PHACTR2: variants seen among roughly 807,000 people sequenced by gnomAD.
PHACTR2 encodes the protein phosphatase and actin regulator 2.
A neutral mutation model predicts 76.0 loss-of-function variants in PHACTR2; 30 were observed. The observed-to-expected ratio is 0.39, with a 90% CI of 0.30 to 0.54. The LOEUF is 0.54. PHACTR2 is among the 20% of genes least tolerant of loss of function. PHACTR2 has a pLI of 0.61. For missense variants in PHACTR2, 696 were observed against 781.1 expected, an observed-to-expected ratio of 0.89 and a Z score of 1.30; for synonymous variants, 292 against 292.5, an observed-to-expected ratio of 1.00 and a Z score of 0.02.
chr6:143,815,927 G>A (rs1169810394), intron 12 of PHACTR2, among the ~76,000 whole-genome samples: 2 of 150,786 alleles, frequency 1.3e-5, no homozygotes, highest in African/African-American at 2.4e-5. Flanking sequence ...ATAGGAAGAT[G>A]AATAATTTTT....
upstream of PHACTR2, among the ~76,000 whole-genome samples, chr6:143,675,752 C>A (rs555953968): frequency 6.6e-6 from 1 of 152,224 alleles, no homozygotes; most frequent in Admixed American, 6.5e-5. The surrounding 1 kb of genome is among the most constrained non-coding windows in gnomAD (Gnocchi z 4.9). Flanking sequence ...GAGAAATGTC[C>A]ATGCCTTTCA....
intron 1 of PHACTR2, among the ~76,000 whole-genome samples, chr6:143,565,502 A>G (rs1176235865): frequency 6.6e-5 from 10 of 151,574 alleles, no homozygotes; most frequent in Admixed American, 4.6e-4. Flanking sequence ...CTACACGGGA[A>G]GCTGAGGCAG....
At chr6:143,741,896 G>A (rs2128468068) in intron 2 of PHACTR2, among the ~76,000 whole-genome samples, 1 of 152,224 alleles carries the variant, frequency 6.6e-6, no homozygotes, top group Non-Finnish European at 1.5e-5. Flanking sequence ...GAGGTCAGGA[G>A]TTCGAGACCA....
intron 12 of PHACTR2, among the ~76,000 whole-genome samples, chr6:143,814,867 G>T (rs1776266289): frequency 6.6e-6 from 1 of 152,138 alleles, no homozygotes; most frequent in African/African-American, 2.4e-5. Flanking sequence ...CTCCCAAAGT[G>T]CTGGGATTAC....
In PHACTR2 at chr6:143,733,144, A is replaced by T. The variant is rs1217758693; in HGVS notation, c.215-15841A>T. 6.6e-6 allele frequency among the ~76,000 whole-genome samples: 1 copy of T among 152,006 alleles called. No homozygotes were observed. Among genetic ancestry groups the T allele is most frequent in the Non-Finnish European group, 1.5e-5 (1 of 67,984 alleles). On this transcript the variant is annotated intron_variant, in intron 2 of 12. Transcript: ENST00000440869. This position sits in a 1 kb window ranked among gnomAD's most constrained non-coding sequence, Gnocchi z 4.0. ...CCAACTGGCTTCAAGTGATTGTCCT[A>T]CCTTGACCTCCCAAAGTGCTGGGAT...
rs573748443 is a variant in PHACTR2, at chr6:143,618,608, G to A, written c.13+10286G>A. On this transcript the variant is annotated intron_variant, in intron 1 of 11. Coordinates refer to the PHACTR2 transcript ENST00000305766. This position sits in a 1 kb window ranked among gnomAD's most constrained non-coding sequence, Gnocchi z 5.2. Reference sequence around the variant, plus strand: ...CACCAGGGACTGGCAGGGGAGGCTGGGGGGGGATAGGGGTTGAATGTTTCC... The same window carrying A: ...CACCAGGGACTGGCAGGGGAGGCTGAGGGGGGATAGGGGTTGAATGTTTCC... Among the ~76,000 whole-genome samples the A allele has an allele frequency of 1.6e-4, 3 of 18,262 alleles. No homozygotes were observed. Among genetic ancestry groups the A allele is most frequent in the Non-Finnish European group, 2.8e-4 (1 of 3,584 alleles). The allele number at this position is 18,262 out of a possible 152,430, so 12.0% of individuals were successfully genotyped here.
rs546704828 is a variant in PHACTR2, at chr6:143,583,755, A to G, written c.217+46548A>G. Among the ~76,000 whole-genome samples the G allele has an allele frequency of 2.2e-4, 34 of 152,368 alleles. No individual in the cohort carries two copies. The highest frequency in any genetic ancestry group is 7.7e-4 in the African/African-American group (32 of 41,590). On this transcript the variant is annotated intron_variant, in intron 1 of 11. Coordinates refer to the PHACTR2 transcript ENST00000367584. This position sits in a 1 kb window ranked among gnomAD's most constrained non-coding sequence, Gnocchi z 4.0. ...ACTACATGCTAGATGCCAGACTATC[A>G]TTTGTTGATTGGTTGATTCATTGTT... is the stretch of plus-strand genomic sequence containing the variant.
chr6:143,814,595 C>CTTTT (rs61652528), intron 12 of PHACTR2, among the ~76,000 whole-genome samples: 21 of 108,414 alleles, frequency 1.9e-4, no homozygotes, highest in Non-Finnish European at 2.9e-4. Flanking sequence ...GACATACACA[C>CTTTT]TTTTTTTTTT....
chr6:143,748,565 C>G (rs1222502620), intron 2 of PHACTR2, among the ~76,000 whole-genome samples: 1 of 152,178 alleles, frequency 6.6e-6, no homozygotes, highest in Non-Finnish European at 1.5e-5. Context: ...AAATGGGTTA[C>G]CCAGAATATT....
intron 12 of PHACTR2, among the ~76,000 whole-genome samples, chr6:143,817,027 C>G (rs1253443585): frequency 6.6e-6 from 1 of 152,190 alleles, no homozygotes; most frequent in Non-Finnish European, 1.5e-5. Flanking sequence ...GATCATGCCA[C>G]TGCACTCCAG....
chr6:143,741,731 T>C (rs1778947527), intron 2 of PHACTR2, among the ~76,000 whole-genome samples: 1 of 152,292 alleles, frequency 6.6e-6, no homozygotes, highest in African/African-American at 2.4e-5. Context: ...GGGGCTATAT[T>C]AGTTCTCCTT....
chr6:143,762,938 G>C (rs929771263), intron 5 of PHACTR2, among the ~76,000 whole-genome samples: 2 of 152,046 alleles, frequency 1.3e-5, no homozygotes, highest in Non-Finnish European at 2.9e-5. Flanking sequence ...TTTCAACAAA[G>C]ACCTGTTATT....
rs976150526 is a variant in PHACTR2, at chr6:143,647,728, G to A, written c.13+39406G>A. On this transcript the variant is annotated intron_variant, in intron 1 of 11. Transcript: ENST00000305766. The surrounding 1 kb of genome is among the most constrained non-coding windows in gnomAD (Gnocchi z 4.2). ...ACCTTGCAGATATCTTGGGAGAAGAGCACCTGTACAGAAAGAACAGCAAGT... is the reference window on the plus strand; with the variant it reads ...ACCTTGCAGATATCTTGGGAGAAGAACACCTGTACAGAAAGAACAGCAAGT... Among the ~76,000 whole-genome samples, 6 of 152,174 alleles carry A rather than the reference G, an allele frequency of 3.9e-5. No individual in the cohort carries two copies. Among genetic ancestry groups the A allele is most frequent in the Admixed American group, 6.5e-5 (1 of 15,270 alleles).
intron 2 of PHACTR2, among the ~76,000 whole-genome samples, chr6:143,716,096 T>G (rs1265754470): frequency 6.6e-6 from 1 of 151,714 alleles, no homozygotes. Context: ...ACAGGGGAGG[T>G]TTGGGATGTC....
At chr6:143,587,162 G>A (rs998381573) in intron 1 of PHACTR2, among the ~76,000 whole-genome samples, 4 of 152,230 alleles carry the variant, frequency 2.6e-5, no homozygotes, top group Middle Eastern at 3.4e-3. Flanking sequence ...TGTGAAAATA[G>A]AACATAAAAA....
Position 143,647,758 on chromosome 6 carries a change from A to G in PHACTR2, c.13+39436A>G, listed in dbSNP as rs1439320001. Among the ~76,000 whole-genome samples, 1 of 152,192 alleles carries G rather than the reference A, an allele frequency of 6.6e-6. No individual in the cohort carries two copies. Among genetic ancestry groups the G allele is most frequent in the Admixed American group, 6.5e-5 (1 of 15,274 alleles). ...TGTACAGAAAGAACAGCAAGTGCAC[A>G]GCCCCCTGTGCTGGGAATAGGCTTG... On this transcript the variant is annotated intron_variant, in intron 1 of 11. Transcript: ENST00000305766. This position sits in a 1 kb window ranked among gnomAD's most constrained non-coding sequence, Gnocchi z 4.2.
intron 1 of PHACTR2, among the ~76,000 whole-genome samples, chr6:143,559,676 G>A (rs1429731123): frequency 2.5e-5 from 3 of 119,882 alleles, no homozygotes; most frequent in African/African-American, 6.4e-5. Flanking sequence ...AAAAATACCA[G>A]TGATTTTTCT....
Position 143,801,755 on chromosome 6 carries a change from T to C in PHACTR2, c.1846-5302T>C, listed in dbSNP as rs920174862. Among the ~76,000 whole-genome samples, 2 of 152,196 alleles carry C rather than the reference T, an allele frequency of 1.3e-5. No individual in the cohort carries two copies. The highest frequency in any genetic ancestry group is 2.9e-5 in the Non-Finnish European group (2 of 68,026). ...TTGTTCCCTTGCTGGCGAGGAGTTG[T>C]GATCCTTTGGAGGAGAAGAGGCATT... On this transcript the variant is annotated intron_variant, in intron 11 of 12. Transcript: ENST00000440869. The surrounding 1 kb of genome is among the most constrained non-coding windows in gnomAD (Gnocchi z 4.6).
In PHACTR2 at chr6:143,621,710, T is replaced by C. The variant is rs1776157652; in HGVS notation, c.13+13388T>C. On this transcript the variant is annotated intron_variant, in intron 1 of 11. Transcript: ENST00000305766. The surrounding 1 kb of genome is among the most constrained non-coding windows in gnomAD (Gnocchi z 4.1). ...CCATGAGCCTCACTTTCCTCATCTGTAGTTTAGGGTTGATTGTACTTGGCT... is the reference window on the plus strand; with the variant it reads ...CCATGAGCCTCACTTTCCTCATCTGCAGTTTAGGGTTGATTGTACTTGGCT... Among the ~76,000 whole-genome samples the C allele has an allele frequency of 6.6e-6, 1 of 152,182 alleles. No homozygotes were observed. Among genetic ancestry groups the C allele is most frequent in the Non-Finnish European group, 1.5e-5 (1 of 68,026 alleles).
Sources: allele counts gnomAD v4.1 joint callset (sites outside exome capture counted in the v4.1 genomes callset), GRCh38; gene constraint gnomAD v4.1.1; non-coding constraint Gnocchi (gnomAD v3.1); transcripts MANE v1.5; gene names NCBI Gene and HGNC (gene_info 2026-07-23, HGNC 2026-07-21).